Variants in SHISA9 observed in about 807,000 individuals in gnomAD.
SHISA9 encodes protein shisa-9.
A neutral mutation model predicts 38.0 loss-of-function variants in SHISA9; 13 were observed. The ratio of observed to expected loss-of-function variants is 0.34; its 90% CI spans 0.22 to 0.54. SHISA9 has a LOEUF of 0.54. SHISA9 is among the 20% of genes least tolerant of loss of function. The pLI, the probability that SHISA9 is intolerant of heterozygous loss-of-function variation, is 0.91. For missense variants in SHISA9, 538 were observed against 575.8 expected (o/e 0.93, Z 0.67); for synonymous variants, 275 against 242.0 (o/e 1.14, Z -1.27).
chr16:13,245,346 A>G (rs1295031772), downstream of SHISA9, among the ~76,000 whole-genome samples: 1 of 152,162 alleles, frequency 6.6e-6, no homozygotes, highest in Non-Finnish European at 1.5e-5. Context: ...ATCCCTCTGC[A>G]GGTGTGTGGG....
chr16:13,177,614 T>C (rs1168054644), intron 2 of SHISA9, among the ~76,000 whole-genome samples: 1 of 152,162 alleles, frequency 6.6e-6, no homozygotes, highest in Non-Finnish European at 1.5e-5. Flanking sequence ...TCTTGCTTAC[T>C]AGATTACTGG....
chr16:13,089,242 G>A (rs149127564), intron 2 of SHISA9, among the ~76,000 whole-genome samples: 3,154 of 152,290 alleles, frequency 0.021, 49 homozygotes, highest in Admixed American at 0.047. Context: ...TGTTCATCAG[G>A]GATATTGGTC....
the SHISA9 span, among the ~76,000 whole-genome samples, chr16:13,494,966 G>C: frequency 1.3e-5 from 2 of 152,174 alleles, no homozygotes; most frequent in Non-Finnish European, 2.9e-5. Flanking sequence ...TGCAAAATAA[G>C]TCAATCTGAC....
chr16:12,971,595 A>G (rs917676578), intron 2 of SHISA9, among the ~76,000 whole-genome samples: 4 of 152,088 alleles, frequency 2.6e-5, no homozygotes, highest in African/African-American at 7.2e-5. Context: ...AACACTTTAT[A>G]AATCTCCCTA....
chr16:13,203,628 C>T, intron 3 of SHISA9, 79 bp downstream of exon 3: 2 of 1,332,992 alleles, frequency 1.5e-6, no homozygotes, highest in Admixed American at 7.0e-5. Context: ...TCTTTATCTC[C>T]AGTTTTCTTT....
chr16:13,393,120 T>C, the SHISA9 span, among the ~76,000 whole-genome samples: 1 of 152,160 alleles, frequency 6.6e-6, no homozygotes, highest in East Asian at 1.9e-4. Context: ...GCTGGCCCCA[T>C]TCCAAACCTG....
intron 2 of SHISA9, among the ~76,000 whole-genome samples, chr16:13,176,576 C>T (rs1024203036): frequency 6.6e-6 from 1 of 152,254 alleles, no homozygotes; most frequent in African/African-American, 2.4e-5. Context: ...AACAGCCAGA[C>T]AGACCCAGGA....
intron 2 of SHISA9, among the ~76,000 whole-genome samples, chr16:13,091,163 G>A (rs2073771060): frequency 6.6e-6 from 1 of 152,014 alleles, no homozygotes; most frequent in Non-Finnish European, 1.5e-5. Flanking sequence ...TCTGCTGAGA[G>A]ATCCACTGTT....
At chr16:13,395,372 A>G in the SHISA9 span, among the ~76,000 whole-genome samples, 47 of 152,310 alleles carry the variant, frequency 3.1e-4, no homozygotes, top group Non-Finnish European at 5.3e-4. Context: ...CCAACTTATT[A>G]TCTCATGATA....
chr16:13,423,183 G>A, the SHISA9 span, among the ~76,000 whole-genome samples: 1 of 152,150 alleles, frequency 6.6e-6, no homozygotes, highest in East Asian at 1.9e-4. Flanking sequence ...GAGCCCCAGA[G>A]GTCAGATATC....
At chr16:13,362,230 G>C in the SHISA9 span, among the ~76,000 whole-genome samples, 7 of 102,656 alleles carry the variant, frequency 6.8e-5, no homozygotes, top group South Asian at 3.4e-4. Flanking sequence ...AAAAAAAAAA[G>C]CAAAACCAAA....
chr16:13,186,334 G>C lies in SHISA9; in HGVS notation c.692-17060G>C, dbSNP rs143989038. Among the ~76,000 whole-genome samples the C allele has an allele frequency of 8.3e-3, 944 of 113,860 alleles. 11 individuals are homozygous for C. The highest frequency in any genetic ancestry group is 0.03 in the African/African-American group (891 of 29,812). The allele number at this position is 113,860 out of a possible 152,430, so 74.7% of individuals were successfully genotyped here. ...TTTTTTTGAGATGGAGTCTTGCTCT[G>C]TCACCCAGGCTGGAGTGCAGTGGTG... On this transcript the variant is annotated intron_variant, in intron 2 of 4. Coordinates refer to ENST00000558583, the MANE Select transcript of SHISA9 (RefSeq NM_001145204.3).
the SHISA9 span, among the ~76,000 whole-genome samples, chr16:13,464,665 A>G: frequency 6.6e-6 from 1 of 152,132 alleles, no homozygotes; most frequent in Non-Finnish European, 1.5e-5. Flanking sequence ...CCCGTTTACT[A>G]CCACTACTAC....
At chr16:13,187,778 C>G (rs1397744817) in intron 2 of SHISA9, among the ~76,000 whole-genome samples, 1 of 152,168 alleles carries the variant, frequency 6.6e-6, no homozygotes, top group Non-Finnish European at 1.5e-5. Context: ...GATTTGCACC[C>G]TAACTTCAGT....
chr16:12,923,818 G>A (rs961202010), intron 2 of SHISA9, among the ~76,000 whole-genome samples: 2 of 151,508 alleles, frequency 1.3e-5, no homozygotes, highest in Admixed American at 6.6e-5. Context: ...CCCAGCCTGG[G>A]CAACAGAGCA....
chr16:13,213,647 G>A (rs1354412471), intron 4 of SHISA9, among the ~76,000 whole-genome samples: 1 of 152,150 alleles, frequency 6.6e-6, no homozygotes, highest in Non-Finnish European at 1.5e-5. Context: ...ATTAATGGGG[G>A]CGGGGCGGGG....
At chr16:13,262,041 T>A in the SHISA9 span, among the ~76,000 whole-genome samples, 1 of 152,152 alleles carries the variant, frequency 6.6e-6, no homozygotes, top group Non-Finnish European at 1.5e-5. Context: ...ACATAGACAT[T>A]AATTAAATCA....
intron 2 of SHISA9, among the ~76,000 whole-genome samples, chr16:13,153,445 G>A (rs370616719): frequency 3.3e-5 from 5 of 152,108 alleles, no homozygotes; most frequent in South Asian, 2.1e-4. Context: ...GAGAAATTCC[G>A]GCTGCATAAA....
intron 2 of SHISA9, among the ~76,000 whole-genome samples, chr16:13,147,655 G>T (rs952761915): frequency 3.9e-5 from 6 of 151,964 alleles, no homozygotes; most frequent in South Asian, 2.1e-4. Context: ...TAGAGACAGG[G>T]TTTCACCACG....
Sources: allele counts gnomAD v4.1 joint callset (sites outside exome capture counted in the v4.1 genomes callset), GRCh38; gene constraint gnomAD v4.1.1; transcripts MANE v1.5; gene names NCBI Gene and HGNC (gene_info 2026-07-23, HGNC 2026-07-21).